Variants in BFSP2 observed in about 807,000 individuals in gnomAD.
The protein encoded by BFSP2 is phakinin.
In BFSP2, 38 loss-of-function variants were observed where a neutral mutation model predicts 44.9. That is an observed-to-expected ratio of 0.85 (90% CI 0.65 to 1.11). BFSP2 has a LOEUF of 1.11. Ranked by LOEUF, BFSP2 falls within the 50% of genes least tolerant of loss-of-function variation. The pLI, the probability that BFSP2 is intolerant of heterozygous loss-of-function variation, is 0.00. For missense variants in BFSP2, 525 were observed against 533.0 expected (o/e 0.99, Z 0.15); for synonymous variants, 197 against 209.9 (o/e 0.94, Z 0.53).
chr3:133,404,573 G>A (rs964988952), intron 1 of BFSP2, among the ~76,000 whole-genome samples: 7 of 152,320 alleles, frequency 4.6e-5, no homozygotes, highest in South Asian at 2.1e-4. Context: ...ATCATGGAGC[G>A]AGGCCTCTGG....
At chr3:133,474,835 T>C (rs2074200151) in intron 6 of BFSP2, 134 bp from the exon 7 acceptor site, 1 of 1,245,830 alleles carries the variant, frequency 8.0e-7, no homozygotes, top group South Asian at 1.2e-5. Context: ...GGAGTAATTA[T>C]TTAAAACCCA....
chr3:133,404,976 C>A (rs902389742), intron 1 of BFSP2: 1 of 152,252 alleles, frequency 6.6e-6, no homozygotes, highest in Non-Finnish European at 1.5e-5. Context: ...GTGCTCCTGA[C>A]TTTTCTTACC....
At chr3:133,453,597 A>G (rs1277399270) in intron 4 of BFSP2, among the ~76,000 whole-genome samples, 1 of 152,212 alleles carries the variant, frequency 6.6e-6, no homozygotes, top group Non-Finnish European at 1.5e-5. Flanking sequence ...GAAACGGTAT[A>G]GACTACAGGA....
At chr3:133,467,025 G>A in intron 5 of BFSP2, 66 bp downstream of exon 5, 5 of 1,594,922 alleles carry the variant, frequency 3.1e-6, no homozygotes, top group Middle Eastern at 1.7e-4. Flanking sequence ...TCAAATTCCA[G>A]TATTATGGAT....
intron 1 of BFSP2, among the ~76,000 whole-genome samples, chr3:133,420,010 G>T (rs578016045): frequency 6.6e-6 from 1 of 152,342 alleles, no homozygotes. Context: ...CGACAGGGGC[G>T]ATCACCTCTC....
intron 5 of BFSP2, 61 bp from the exon 6 acceptor site, chr3:133,472,284 C>G (rs2074169483): frequency 1.3e-6 from 2 of 1,535,076 alleles, no homozygotes; most frequent in African/African-American, 2.7e-5. Flanking sequence ...CTCTGCACAC[C>G]TCCCTCTTCA....
intron 4 of BFSP2, among the ~76,000 whole-genome samples, chr3:133,453,978 TATG>T (rs1329045567): frequency 4.6e-5 from 7 of 152,216 alleles, no homozygotes; most frequent in Non-Finnish European, 8.8e-5. Flanking sequence ...TCTGAAGTTG[TATG>T]ATTCAGTGAT....
chr3:133,461,844 T>G (rs1376203657), intron 4 of BFSP2, among the ~76,000 whole-genome samples: 1 of 152,236 alleles, frequency 6.6e-6, no homozygotes, highest in Non-Finnish European at 1.5e-5. Context: ...TGTTCAGTGC[T>G]GGGAGGTCTT....
At chr3:133,418,536 G>C (rs957286554) in intron 1 of BFSP2, among the ~76,000 whole-genome samples, 1 of 152,082 alleles carries the variant, frequency 6.6e-6, no homozygotes, top group Non-Finnish European at 1.5e-5. Context: ...GCCCACCCAG[G>C]CCAGGAACGT....
Position 133,459,712 on chromosome 3 carries a change from A to G in BFSP2, c.892-7116A>G, listed in dbSNP as rs548234816. On this transcript the variant is annotated intron_variant, in intron 4 of 6. Transcript: ENST00000302334. ...CTGGATGGCATCCAGCCTTCTCCCA[A>G]ATAAATCCTACATCTGGCTGAGGAA... Among the ~76,000 whole-genome samples, 58 of 152,344 alleles carry G rather than the reference A, an allele frequency of 3.8e-4. No homozygotes were observed. The Middle Eastern group carries it at 0.014, about 36-fold the overall frequency.
intron 1 of BFSP2, among the ~76,000 whole-genome samples, chr3:133,408,860 T>C (rs1176385926): frequency 6.6e-6 from 1 of 152,244 alleles, no homozygotes; most frequent in Non-Finnish European, 1.5e-5. Context: ...TATTTTTAAA[T>C]GTTACTTATA....
At chr3:133,463,957 T>G (rs1467760036) in intron 4 of BFSP2, among the ~76,000 whole-genome samples, 1 of 152,200 alleles carries the variant, frequency 6.6e-6, no homozygotes, top group African/African-American at 2.4e-5. Flanking sequence ...AGCAGTCAAC[T>G]TACAACATTC....
intron 4 of BFSP2, among the ~76,000 whole-genome samples, chr3:133,456,286 G>A (rs941559186): frequency 6.6e-6 from 1 of 152,220 alleles, no homozygotes; most frequent in Non-Finnish European, 1.5e-5. Flanking sequence ...TATTAAGAAT[G>A]AAGACAAGTG....
intron 1 of BFSP2, among the ~76,000 whole-genome samples, chr3:133,417,492 C>T (rs1308895602): frequency 3.2e-4 from 36 of 114,280 alleles, no homozygotes; most frequent in Non-Finnish European, 4.5e-4. Flanking sequence ...CTCACCCCTG[C>T]CCTCTCCCCT....
chr3:133,416,695 C>A (rs2073534974), intron 1 of BFSP2, among the ~76,000 whole-genome samples: 1 of 142,984 alleles, frequency 7.0e-6, no homozygotes, highest in South Asian at 2.4e-4. Context: ...CCTCTACTGA[C>A]CCCTCTACTC....
intron 1 of BFSP2, among the ~76,000 whole-genome samples, chr3:133,419,369 G>A (rs2073572572): frequency 6.6e-6 from 1 of 152,168 alleles, no homozygotes; most frequent in African/African-American, 2.4e-5. Context: ...TAGTGTTCCA[G>A]CCAGGATCAA....
At chr3:133,414,984 C>G (rs1293561056) in intron 1 of BFSP2, among the ~76,000 whole-genome samples, 4 of 142,232 alleles carry the variant, frequency 2.8e-5, no homozygotes, top group African/African-American at 5.4e-5. Context: ...GCCATCTCTC[C>G]TCTACTCACC....
intron 1 of BFSP2, among the ~76,000 whole-genome samples, chr3:133,405,782 G>C (rs1174440149): frequency 6.6e-6 from 1 of 152,180 alleles, no homozygotes; most frequent in East Asian, 1.9e-4. Context: ...CTACAGTATG[G>C]TTAGAAATGT....
At chr3:133,455,533 C>T (rs1364113588) in intron 4 of BFSP2, 1 of 152,214 alleles carries the variant, frequency 6.6e-6, no homozygotes, top group African/African-American at 2.4e-5. Flanking sequence ...CACTCAGATA[C>T]TCCTCTTTTG....
Sources: gnomAD v4.1 joint callset for allele counts (sites outside exome capture counted in the v4.1 genomes callset) on GRCh38, gnomAD v4.1.1 for gene constraint, MANE v1.5 for transcripts, NCBI Gene and HGNC (gene_info 2026-07-23, HGNC 2026-07-21) for gene names.